Variants in GLO1 observed in about 807,000 individuals in gnomAD.
The protein encoded by GLO1 is glyoxalase I, also known as lactoylglutathione lyase.
GLO1 carries 28 observed loss-of-function variants against 26.0 expected under a neutral mutation model. The observed-to-expected ratio is 1.08, with a 90% CI of 0.80 to 1.48. GLO1 has a LOEUF of 1.48. Ranked by LOEUF, GLO1 falls within the 40% of genes most tolerant of loss-of-function variation. The probability of loss-of-function intolerance (pLI) is 0.00; values close to 1 mark genes in which losing one functional copy is unlikely to be tolerated. For missense variants in GLO1, 225 were observed against 224.8 expected, an observed-to-expected ratio of 1.00 and a Z score of -0.01; for synonymous variants, 78 against 77.6, an observed-to-expected ratio of 1.00 and a Z score of -0.03.
At chr6:38,693,675 CTCTCTCTCTCTATA>C (rs774975262) in intron 1 of GLO1, among the ~76,000 whole-genome samples, 6,506 of 105,298 alleles carry the variant, frequency 0.062, 214 homozygotes, top group Middle Eastern at 0.15. Context: ...CTCTCTCTCT[CTCTCTCTCTCTATA>C]TATATATATA....
intron 1 of GLO1, among the ~76,000 whole-genome samples, chr6:38,700,923 G>A (rs1435770048): frequency 6.6e-6 from 1 of 151,968 alleles, no homozygotes; most frequent in Non-Finnish European, 1.5e-5. Flanking sequence ...GGGATTACAG[G>A]TGCCCGCCAC....
chr6:38,692,977 T>C (rs1582779769), intron 1 of GLO1, among the ~76,000 whole-genome samples: 1 of 151,962 alleles, frequency 6.6e-6, no homozygotes, highest in East Asian at 1.9e-4. Context: ...ATTGGAGATA[T>C]TGGTCTGTAG....
intron 1 of GLO1, among the ~76,000 whole-genome samples, chr6:38,699,066 C>T (rs141198169): frequency 6.6e-6 from 1 of 152,300 alleles, no homozygotes; most frequent in East Asian, 1.9e-4. Context: ...TCTTCCACCA[C>T]TGCTTAGATA....
At chr6:38,681,358 A>G (rs1761377198) in intron 5 of GLO1, among the ~76,000 whole-genome samples, 1 of 152,316 alleles carries the variant, frequency 6.6e-6, no homozygotes, top group East Asian at 1.9e-4. Flanking sequence ...CACCACGCCC[A>G]GCACTGGATA....
At chr6:38,700,779 G>GA (rs1761685809) in intron 1 of GLO1, among the ~76,000 whole-genome samples, 1 of 133,950 alleles carries the variant, frequency 7.5e-6, no homozygotes, top group African/African-American at 3.1e-5. Flanking sequence ...TTAATTCATT[G>GA]AGGGTTTTTT....
chr6:38,676,983 G>T lies in GLO1; in HGVS notation c.*312C>A, dbSNP rs770231594. 2 of 242,032 alleles carry T rather than the reference G, an allele frequency of 8.3e-6. No individual in the cohort carries two copies. The highest frequency in any genetic ancestry group is 1.6e-5 in the Non-Finnish European group (2 of 128,016). 15.0% of individuals were successfully genotyped at this position (242,032 alleles called of 1,614,324 possible). On this transcript the variant is annotated 3_prime_UTR_variant, in exon 6 of 6. Transcript: ENST00000373365. ...TTTTAAAAATGATGATTCAAAGGCAGATTTGAAGGGAAGTAATATTTAGGT... is the reference window on the plus strand; with the variant it reads ...TTTTAAAAATGATGATTCAAAGGCATATTTGAAGGGAAGTAATATTTAGGT...
At chr6:38,702,023 C>G (rs12209477) in intron 1 of GLO1, among the ~76,000 whole-genome samples, 41,785 of 151,060 alleles carry the variant, frequency 0.28, 6,685 homozygotes, top group Non-Finnish European at 0.38. Context: ...CTCCGCCTCC[C>G]GGGTTCATGC....
At position 38,679,205 on chromosome 6, in the gene GLO1, C is replaced by T. The variant is rs943014858; in HGVS notation, c.467-1822G>A. Among the ~76,000 whole-genome samples, 14 of 151,868 alleles carry T rather than the reference C, an allele frequency of 9.2e-5. 1 individual carries two copies. The highest frequency in any genetic ancestry group is 1.5e-5 in the Non-Finnish European group (1 of 67,956). On this transcript the variant is annotated intron_variant, in intron 5 of 5. Coordinates refer to ENST00000373365, the MANE Select transcript of GLO1 (RefSeq NM_006708.3). Reference sequence around the variant, plus strand: ...GTGGATCATAGCTCACTGCAGCCTCCAACTCCTGGGCCCAAGCAATCCTCC... The same window carrying T: ...GTGGATCATAGCTCACTGCAGCCTCTAACTCCTGGGCCCAAGCAATCCTCC...
chr6:38,683,927 G>C (rs1350753520), intron 3 of GLO1, among the ~76,000 whole-genome samples: 1 of 150,810 alleles, frequency 6.6e-6, no homozygotes, highest in Non-Finnish European at 1.5e-5. Context: ...AAAGACAAAT[G>C]GGCCAGGCGT....
At chr6:38,677,555 C>A (rs1398624003) in intron 5 of GLO1, among the ~76,000 whole-genome samples, 172 bp from the exon 6 acceptor site, 1 of 152,030 alleles carries the variant, frequency 6.6e-6, no homozygotes, top group Admixed American at 6.6e-5. Context: ...GTAGCTGGGG[C>A]GACAGGCACG....
At chr6:38,685,341 GA>G (rs768314229) in intron 2 of GLO1, among the ~76,000 whole-genome samples, 1 of 152,194 alleles carries the variant, frequency 6.6e-6, no homozygotes, top group Non-Finnish European at 1.5e-5. Context: ...AATGAATTAT[GA>G]ATCCTGAGGT....
rs548601175 is a variant in GLO1 at position 38,681,538 on chromosome 6, G to A, written c.466+474C>T. Among the ~76,000 whole-genome samples the A allele has an allele frequency of 2.4e-4, 36 of 152,090 alleles. No homozygotes were observed. In the South Asian group the frequency reaches 7.5e-3, roughly 32 times the overall value. On this transcript the variant is annotated intron_variant, in intron 5 of 5. Coordinates refer to ENST00000373365, the MANE Select transcript of GLO1 (RefSeq NM_006708.3). ...CATGTAAACCCAGCAAAATCCATAC[G>A]TAGGCTATTTCAAAAAACCTACCTA... is the stretch of plus-strand genomic sequence containing the variant.
At position 38,703,077 on chromosome 6, in the gene GLO1, C is replaced by T. The variant is rs374581240; in HGVS notation, c.-23G>A. On this transcript the variant is annotated 5_prime_UTR_variant, in exon 1 of 6. Transcript: ENST00000373365. ...CATGGCTGCGCTGCAGTATCACAGA[C>T]GACGGGACCCAAGGAACGGAGGAGT... 4.3e-6 allele frequency: 6 copies of T among 1,406,828 alleles called. No individual in the cohort carries two copies. The African/African-American group carries it at 8.8e-5, about 21-fold the overall frequency. 87.1% of individuals were successfully genotyped at this position (1,406,828 alleles called of 1,614,324 possible). A position where few individuals can be genotyped will look rare whatever the true frequency, so the allele number is the denominator to read the frequency against.
intron 1 of GLO1, among the ~76,000 whole-genome samples, chr6:38,690,597 T>C (rs1283709791): frequency 1.3e-5 from 2 of 152,152 alleles, no homozygotes; most frequent in Admixed American, 6.5e-5. Flanking sequence ...TAATATGCTA[T>C]TGAGATTAAT....
intron 1 of GLO1, among the ~76,000 whole-genome samples, chr6:38,692,519 T>C (rs577636770): frequency 8.2e-4 from 125 of 152,282 alleles, no homozygotes; most frequent in African/African-American, 2.9e-3. Flanking sequence ...CCAACCTATA[T>C]GTCTCTTATT....
At chr6:38,688,234 A>T (rs1761482410) in intron 1 of GLO1, among the ~76,000 whole-genome samples, 1 of 152,152 alleles carries the variant, frequency 6.6e-6, no homozygotes, top group South Asian at 2.1e-4. Context: ...TTTCTAGAAC[A>T]TTTGGGTTGC....
chr6:38,689,399 T>C (rs1235635011), intron 1 of GLO1, among the ~76,000 whole-genome samples: 1 of 152,238 alleles, frequency 6.6e-6, no homozygotes, highest in African/African-American at 2.4e-5. Flanking sequence ...GTTTATGTTT[T>C]GTTTCTTCAA....
At chr6:38,698,439 CATATATTTATAG>C (rs1336908149) in intron 1 of GLO1, among the ~76,000 whole-genome samples, 1 of 147,016 alleles carries the variant, frequency 6.8e-6, no homozygotes, top group Admixed American at 6.8e-5. Flanking sequence ...TATATATATT[CATATATTTATAG>C]ATATATTTAT....
intron 2 of GLO1, 94 bp from the exon 3 acceptor site, chr6:38,684,608 AAAG>A: frequency 1.3e-6 from 1 of 766,970 alleles, no homozygotes; most frequent in Non-Finnish European, 1.8e-6. Context: ...GTTTTACTAA[AAAG>A]AAGAGCTATA....
Sources: gnomAD v4.1 joint callset for allele counts (sites outside exome capture counted in the v4.1 genomes callset) on GRCh38, gnomAD v4.1.1 for gene constraint, MANE v1.5 for transcripts, NCBI Gene and HGNC (gene_info 2026-07-23, HGNC 2026-07-21) for gene names.